Variants in NBPF8 observed in about 807,000 individuals in gnomAD.
NBPF8 encodes the protein NBPF member 8, also known as NBPF family member NBPF8.
At position 120,454,001 on chromosome 1, in the gene NBPF8, C is replaced by G. The variant is rs1553249352; in HGVS notation, n.2455C>G. ...TCAAATAGCCATGGCCCTTATGACT[C>G]CAACCAGCCACATAGGAAAACCAAA... On this transcript the variant is annotated non_coding_transcript_exon_variant, in exon 15 of 25. Transcript: ENST00000583271. 18 of 1,611,888 alleles carry G rather than the reference C, an allele frequency of 1.1e-5. 1 individual carries two copies. The highest frequency in any genetic ancestry group is 5.0e-5 in the Admixed American group (3 of 59,936).
intron 3 of NBPF8, among the ~76,000 whole-genome samples, chr1:120,431,124 T>G (rs1448420646): frequency 6.8e-6 from 1 of 147,056 alleles, no homozygotes; most frequent in Non-Finnish European, 1.5e-5. Flanking sequence ...AGATTATGTG[T>G]TTTGTTGAAA....
At chr1:120,466,084 C>T (rs1661740408) in exon 25 of NBPF8, 11 of 1,611,766 alleles carry the variant, frequency 6.8e-6, no homozygotes, top group Non-Finnish European at 8.5e-6. Context: ...TGACTCATTC[C>T]AGCACTACAG....
intron 1 of NBPF8, among the ~76,000 whole-genome samples, chr1:120,420,510 C>T (rs1409314024): frequency 5.3e-5 from 8 of 150,970 alleles, no homozygotes; most frequent in African/African-American, 2.0e-4. Context: ...TGGCTCACCC[C>T]CTCCCTGTCC....
upstream of NBPF8, among the ~76,000 whole-genome samples, chr1:120,415,189 C>T (rs1318945783): frequency 1.3e-5 from 2 of 152,158 alleles, no homozygotes; most frequent in African/African-American, 2.4e-5. Flanking sequence ...CGACCTGTGG[C>T]GCCAGGAGCG....
rs1409032626 is a variant in NBPF8 at position 120,450,607 on chromosome 1, CTT to C, written n.1972-571_1972-570del. 4.4e-4 allele frequency among the ~76,000 whole-genome samples: 67 copies of C among 152,120 alleles called. No individual in the cohort carries two copies. In the South Asian group the frequency reaches 0.013, roughly 30 times the overall value. On this transcript the variant is annotated intron_variant and non_coding_transcript_variant, in intron 11 of 24. Transcript: ENST00000583271. ...TCTGCTGTTTCTAAATTAACACAAA[CTT>C]TATTAGCATTTGGGCATATTTCCTT...
rs1661367983 is a variant in NBPF8 at position 120,454,182 on chromosome 1, C to T, written n.2568+68C>T. 14 of 1,483,048 alleles carry T rather than the reference C, an allele frequency of 9.4e-6. No homozygotes were observed. In the South Asian group the frequency reaches 1.3e-4, roughly 14 times the overall value. 91.9% of individuals were successfully genotyped at this position (1,483,048 alleles called of 1,614,324 possible). On this transcript the variant is annotated intron_variant and non_coding_transcript_variant, in intron 15 of 24. Transcript: ENST00000583271. ...GAGGAAGATAAACTCTGAAGACAGG[C>T]TCTATAAACACAAATTCATTTGAAT... is the stretch of plus-strand genomic sequence containing the variant.
At chr1:120,465,333 A>G in exon 24 of NBPF8, 1 of 682,482 alleles carries the variant, frequency 1.5e-6, no homozygotes, top group South Asian at 1.4e-5. Flanking sequence ...GAAGGGGAAG[A>G]AAAGAAGGGG....
At chr1:120,415,738 G>A (rs1175894771), upstream of NBPF8, among the ~76,000 whole-genome samples, 2 of 152,156 alleles carry the variant, frequency 1.3e-5, no homozygotes, top group Non-Finnish European at 2.9e-5. Flanking sequence ...GCTGGTGATG[G>A]GCAACACATG....
At chr1:120,466,321 T>G in exon 25 of NBPF8, 18 of 1,516,798 alleles carry the variant, frequency 1.2e-5, no homozygotes, top group Non-Finnish European at 1.6e-5. Context: ...AGCCCAGACA[T>G]AGGATGGGTC....
At chr1:120,464,157 G>T (rs1661671615) in intron 22 of NBPF8, among the ~76,000 whole-genome samples, 2 of 108,816 alleles carry the variant, frequency 1.8e-5, no homozygotes, top group African/African-American at 4.7e-5. Context: ...GTGTGTGTGT[G>T]TGTGTGTGTG....
exon 23 of NBPF8, chr1:120,464,445 A>G (rs1158428986): frequency 3.8e-6 from 3 of 781,710 alleles, no homozygotes; most frequent in South Asian, 2.7e-5. Flanking sequence ...GATGTTATTC[A>G]ACTCCTTCCA....
chr1:120,431,186 TACTC>T (rs1260842730), intron 3 of NBPF8, among the ~76,000 whole-genome samples: 1 of 147,944 alleles, frequency 6.8e-6, no homozygotes, highest in Non-Finnish European at 1.5e-5. Flanking sequence ...CAGAAATAGA[TACTC>T]ACATGTATGT....
At chr1:120,425,167 C>T (rs6674668) in intron 1 of NBPF8, among the ~76,000 whole-genome samples, 1 of 152,044 alleles carries the variant, frequency 6.6e-6, no homozygotes, top group African/African-American at 2.4e-5. Flanking sequence ...AGCCAGACAC[C>T]CGTAAAGGGT....
At chr1:120,452,527 G>T (rs1394197883) in intron 13 of NBPF8, among the ~76,000 whole-genome samples, 196 bp downstream of exon 11, 3 of 152,000 alleles carry the variant, frequency 2.0e-5, no homozygotes, top group Non-Finnish European at 4.4e-5. Flanking sequence ...TATTGCAAGT[G>T]TCCCTCCTCC....
upstream of NBPF8, among the ~76,000 whole-genome samples, chr1:120,418,925 A>G (rs1660498442): frequency 6.6e-6 from 1 of 151,792 alleles, no homozygotes; most frequent in Admixed American, 6.6e-5. Flanking sequence ...ATTTATGAAT[A>G]TAGTATTCAT....
At chr1:120,415,466 C>T (rs1429399599), upstream of NBPF8, among the ~76,000 whole-genome samples, 1 of 152,196 alleles carries the variant, frequency 6.6e-6, no homozygotes, top group Admixed American at 6.5e-5. Context: ...CTTGCCGCTG[C>T]CGCCCGCAGC....
At chr1:120,464,337 T>A (rs1277463012) in intron 22 of NBPF8, 39 bp from the exon 21 acceptor site, 1 of 763,412 alleles carries the variant, frequency 1.3e-6, no homozygotes, top group Non-Finnish European at 2.3e-6. Context: ...TGTGTCTGAT[T>A]TCCCCTGGCG....
At chr1:120,454,916 T>C (rs1661395049) in intron 15 of NBPF8, among the ~76,000 whole-genome samples, 1 of 146,954 alleles carries the variant, frequency 6.8e-6, no homozygotes, top group Non-Finnish European at 1.5e-5. Flanking sequence ...GGTTTCCCCA[T>C]GTTGGCCAGG....
chr1:120,462,813 G>T (rs1661629869), exon 21 of NBPF8: 1 of 312,902 alleles, frequency 3.2e-6, no homozygotes, highest in Non-Finnish European at 5.5e-6. Context: ...GGAGCTGCTG[G>T]ATGAGAAAGA....
Sources: allele counts gnomAD v4.1 joint callset (sites outside exome capture counted in the v4.1 genomes callset), GRCh38; gene constraint gnomAD v4.1.1; transcripts MANE v1.5; gene names NCBI Gene and HGNC (gene_info 2026-07-23, HGNC 2026-07-21).